The following TRAPPC9 variants were observed in gnomAD, a reference collection of about 807,000 sequenced individuals.
TRAPPC9 encodes the protein IKK2 binding protein.
TRAPPC9 carries 83 observed loss-of-function variants against 124.0 expected under a neutral mutation model. The ratio of observed to expected loss-of-function variants is 0.67; its 90% CI spans 0.56 to 0.80. The LOEUF is 0.80. Among genes scored for constraint, TRAPPC9 ranks in the 30% least tolerant of loss-of-function variants. The probability of loss-of-function intolerance (pLI) is 0.00; values close to 1 mark genes in which losing one functional copy is unlikely to be tolerated. For missense variants in TRAPPC9, 1,302 were observed against 1,508.3 expected (o/e 0.86, Z 2.27); for synonymous variants, 638 against 617.5 (o/e 1.03, Z -0.49).
At chr8:140,256,454 A>ACTTT (rs1184432186) in intron 15 of TRAPPC9, among the ~76,000 whole-genome samples, 6 of 152,048 alleles carry the variant, frequency 3.9e-5, no homozygotes, top group Non-Finnish European at 8.8e-5. Context: ...AAGGTAACTG[A>ACTTT]CTTTCTTCCT....
chr8:140,060,414 T>C (rs1842532932), intron 17 of TRAPPC9, among the ~76,000 whole-genome samples: 1 of 152,244 alleles, frequency 6.6e-6, no homozygotes, highest in Non-Finnish European at 1.5e-5. Context: ...CAGAAGACTC[T>C]GGAGCTCTCT....
intron 7 of TRAPPC9, among the ~76,000 whole-genome samples, chr8:140,396,960 C>T (rs2069114093): frequency 7.6e-6 from 1 of 131,052 alleles, no homozygotes; most frequent in Non-Finnish European, 1.7e-5. Context: ...ACCCTTAGCA[C>T]AACGCCCTCC....
At chr8:139,813,182 G>A (rs371190693) in intron 21 of TRAPPC9, among the ~76,000 whole-genome samples, 40 of 152,334 alleles carry the variant, frequency 2.6e-4, no homozygotes, top group East Asian at 1.9e-3. Flanking sequence ...ATAAAGAGGA[G>A]GCAAACTAGG....
intron 21 of TRAPPC9, among the ~76,000 whole-genome samples, chr8:139,833,545 G>A (rs986974134): frequency 6.6e-6 from 1 of 152,224 alleles, no homozygotes; most frequent in Non-Finnish European, 1.5e-5. Context: ...CAAATGCCCC[G>A]CAGATTAAAG....
intron 15 of TRAPPC9, among the ~76,000 whole-genome samples, chr8:140,272,314 GGTTATA>G (rs2064956670): frequency 6.7e-6 from 1 of 148,978 alleles, no homozygotes; most frequent in South Asian, 2.1e-4. Context: ...TGGTTGTGGT[GGTTATA>G]GTGGTGATGG....
At chr8:139,988,231 G>C (rs1020779026) in intron 19 of TRAPPC9, among the ~76,000 whole-genome samples, 2 of 150,698 alleles carry the variant, frequency 1.3e-5, no homozygotes, top group Non-Finnish European at 2.9e-5. Context: ...TCCTGCCTCA[G>C]CCTCCCGAGT....
chr8:140,011,501 C>CTT (rs916485762), intron 18 of TRAPPC9, among the ~76,000 whole-genome samples: 2,265 of 114,606 alleles, frequency 0.02, 301 homozygotes, highest in African/African-American at 0.09. Flanking sequence ...AGAAGGCATA[C>CTT]TTTTTTTTTT....
chr8:140,201,570 A>G (rs573089976), intron 17 of TRAPPC9, among the ~76,000 whole-genome samples: 1 of 152,326 alleles, frequency 6.6e-6, no homozygotes, highest in Admixed American at 6.5e-5. Context: ...CTGTTACAAA[A>G]TATCTTTGAT....
chr8:140,153,942 C>T (rs749830289), intron 17 of TRAPPC9, among the ~76,000 whole-genome samples: 1 of 152,160 alleles, frequency 6.6e-6, no homozygotes, highest in Non-Finnish European at 1.5e-5. Context: ...ACACCGTCTG[C>T]CTCAGAGTGC....
At chr8:140,016,258 C>G (rs145957998) in intron 18 of TRAPPC9, among the ~76,000 whole-genome samples, 1 of 152,228 alleles carries the variant, frequency 6.6e-6, no homozygotes, top group African/African-American at 2.4e-5. Flanking sequence ...ACCCTATAAC[C>G]CATACCCCTA....
chr8:139,922,771 G>A (rs1018842020), intron 19 of TRAPPC9, among the ~76,000 whole-genome samples: 6 of 152,198 alleles, frequency 3.9e-5, no homozygotes, highest in African/African-American at 1.2e-4. Context: ...AGAGGCAGGC[G>A]AGAGGTAAAG....
At chr8:139,951,821 A>G (rs2665919) in intron 19 of TRAPPC9, among the ~76,000 whole-genome samples, 1 of 152,248 alleles carries the variant, frequency 6.6e-6, no homozygotes, top group South Asian at 2.1e-4. Flanking sequence ...TGTTTCAAAT[A>G]GAATGCAAGT....
intron 8 of TRAPPC9, among the ~76,000 whole-genome samples, chr8:140,363,859 A>G (rs1405994375): frequency 6.6e-6 from 1 of 152,146 alleles, no homozygotes; most frequent in Non-Finnish European, 1.5e-5. Flanking sequence ...CAGCCTCCCA[A>G]AGTGCTGGGA....
intron 16 of TRAPPC9, among the ~76,000 whole-genome samples, chr8:140,248,345 T>C (rs760416378): frequency 1.3e-5 from 2 of 152,252 alleles, no homozygotes; most frequent in Non-Finnish European, 2.9e-5. Flanking sequence ...TTTGCACTCA[T>C]CTGCTACTGG....
intron 20 of TRAPPC9, among the ~76,000 whole-genome samples, chr8:139,887,623 G>C (rs1340943844): frequency 2.0e-5 from 3 of 152,114 alleles, no homozygotes; most frequent in Non-Finnish European, 2.9e-5. Flanking sequence ...GTTCTGCCTG[G>C]AAATGTCTTT....
intron 18 of TRAPPC9, among the ~76,000 whole-genome samples, chr8:139,994,872 G>T (rs1837867128): frequency 6.6e-6 from 1 of 151,832 alleles, no homozygotes; most frequent in African/African-American, 2.4e-5. Context: ...AGTGGTGTAG[G>T]AGTAAAAACA....
intron 19 of TRAPPC9, among the ~76,000 whole-genome samples, chr8:139,938,619 G>C (rs1833696347): frequency 6.6e-6 from 1 of 151,208 alleles, no homozygotes; most frequent in Non-Finnish European, 1.5e-5. Flanking sequence ...AATTCCTTGA[G>C]ACACACAGAG....
At chr8:140,025,875 C>A (rs1408221853) in intron 17 of TRAPPC9, among the ~76,000 whole-genome samples, 1 of 152,166 alleles carries the variant, frequency 6.6e-6, no homozygotes, top group African/African-American at 2.4e-5. Flanking sequence ...TTTAACAATT[C>A]TAAGTACACA....
intron 10 of TRAPPC9, among the ~76,000 whole-genome samples, chr8:140,303,220 A>G (rs1045340035): frequency 1.3e-5 from 2 of 152,204 alleles, no homozygotes; most frequent in Non-Finnish European, 2.9e-5. Context: ...AAACGCCTTC[A>G]TTAACTCTTA....
Sources: gnomAD v4.1 joint callset for allele counts (sites outside exome capture counted in the v4.1 genomes callset) on GRCh38, gnomAD v4.1.1 for gene constraint, MANE v1.5 for transcripts, NCBI Gene and HGNC (gene_info 2026-07-23, HGNC 2026-07-21) for gene names.